The following LARGE1 variants were observed in gnomAD, a reference collection of about 807,000 sequenced individuals.
The protein encoded by LARGE1 is LARGE xylosyl- and glucuronyltransferase 1.
Under a neutral mutation model 87.6 loss-of-function variants are expected in LARGE1, and 43 were observed. The observed-to-expected ratio is 0.49, with a 90% CI of 0.38 to 0.63. The LOEUF is 0.63. Ranked by LOEUF, LARGE1 falls within the 30% of genes least tolerant of loss-of-function variation. The pLI, the probability that LARGE1 is intolerant of heterozygous loss-of-function variation, is 0.00. For synonymous variants in LARGE1, 434 were observed against 394.6 expected (o/e 1.10, Z -1.18); for missense variants, 802 against 1,000.2 (o/e 0.80, Z 2.67).
intron 7 of LARGE1, among the ~76,000 whole-genome samples, chr22:33,426,941 A>G (rs775147877): frequency 6.6e-6 from 1 of 152,146 alleles, no homozygotes. Context: ...AAATAAACCT[A>G]TCTGCAAACA....
chr22:33,650,807 T>TTACA, intron 2 of LARGE1, 139 bp from the exon 3 acceptor site: 1 of 958,388 alleles, frequency 1.0e-6, no homozygotes, highest in Non-Finnish European at 1.6e-6. Context: ...GGAAAGTGAG[T>TTACA]TACAAATAAA....
chr22:33,697,715 C>CT (rs1233843396), intron 2 of LARGE1, among the ~76,000 whole-genome samples: 1 of 152,164 alleles, frequency 6.6e-6, no homozygotes, highest in Non-Finnish European at 1.5e-5. Context: ...GCTGCAGAGT[C>CT]TTTCTCTCAA....
intron 3 of LARGE1, among the ~76,000 whole-genome samples, chr22:33,629,699 T>C (rs1016712470): frequency 1.3e-5 from 2 of 152,152 alleles, no homozygotes; most frequent in Non-Finnish European, 2.9e-5. Context: ...GTCATGTGAC[T>C]TTAGGGCTTG....
chr22:33,859,307 T>G (rs1280296239), intron 1 of LARGE1, among the ~76,000 whole-genome samples: 1 of 152,232 alleles, frequency 6.6e-6, no homozygotes, highest in Non-Finnish European at 1.5e-5. Flanking sequence ...CTCATCATAG[T>G]CATTTTTAAA....
At chr22:33,860,622 T>A (rs550210008) in intron 1 of LARGE1, among the ~76,000 whole-genome samples, 203 of 152,134 alleles carry the variant, frequency 1.3e-3, no homozygotes, top group Non-Finnish European at 2.6e-3. Flanking sequence ...GCTGTGAAGG[T>A]GGTGGTGGGA....
the LARGE1 span, among the ~76,000 whole-genome samples, chr22:33,093,583 A>G: frequency 6.6e-6 from 1 of 152,178 alleles, no homozygotes; most frequent in Non-Finnish European, 1.5e-5. Context: ...TGGAGACAAT[A>G]TCTTGTAACA....
At chr22:33,091,998 C>G in the LARGE1 span, among the ~76,000 whole-genome samples, 1 of 152,168 alleles carries the variant, frequency 6.6e-6, no homozygotes. Context: ...CTCCTGACTT[C>G]AAGCCATTCT....
At chr22:33,390,956 C>T (rs1173083741) in intron 7 of LARGE1, among the ~76,000 whole-genome samples, 2 of 152,160 alleles carry the variant, frequency 1.3e-5, no homozygotes, top group Admixed American at 1.3e-4. Context: ...CTTGGCCTCC[C>T]AAAGTGCTGG....
rs537998161 is a variant in LARGE1 at position 33,431,928 on chromosome 22, A to G, written c.892+233T>C. 2.6e-5 allele frequency among the ~76,000 whole-genome samples: 4 copies of G among 152,312 alleles called. No individual in the cohort carries two copies. In the South Asian group the frequency reaches 8.3e-4, roughly 32 times the overall value. On this transcript the variant is annotated intron_variant, in intron 7 of 14. Transcript: ENST00000397394. ...AATAGGATCTGGATTAGAGGTCAGGAGAGGGGCTTTCTGGTGAGATGCCAC... is the reference window on the plus strand; with the variant it reads ...AATAGGATCTGGATTAGAGGTCAGGGGAGGGGCTTTCTGGTGAGATGCCAC...
chr22:33,539,875 C>T (rs756142616), intron 6 of LARGE1, among the ~76,000 whole-genome samples: 9 of 152,090 alleles, frequency 5.9e-5, no homozygotes, highest in Non-Finnish European at 1.2e-4. Context: ...CCACTGCACC[C>T]GGCCCTCTAA....
At chr22:33,484,279 G>C (rs2069469943) in intron 6 of LARGE1, among the ~76,000 whole-genome samples, 1 of 152,146 alleles carries the variant, frequency 6.6e-6, no homozygotes, top group Admixed American at 6.5e-5. Flanking sequence ...AAATGAGCCA[G>C]ATCTCTAACC....
intron 7 of LARGE1, among the ~76,000 whole-genome samples, chr22:33,412,402 A>C (rs1298693338): frequency 1.3e-5 from 2 of 152,122 alleles, no homozygotes; most frequent in Non-Finnish European, 2.9e-5. Flanking sequence ...TCCCATTTCC[A>C]GGTTGCAATA....
At chr22:33,707,385 G>T (rs745663406) in intron 2 of LARGE1, among the ~76,000 whole-genome samples, 5 of 152,238 alleles carry the variant, frequency 3.3e-5, no homozygotes, top group Non-Finnish European at 7.3e-5. Flanking sequence ...ATGTTAGCTT[G>T]CCAGGGATCC....
intron 11 of LARGE1, among the ~76,000 whole-genome samples, chr22:33,236,515 G>T (rs1404525523): frequency 6.6e-6 from 1 of 152,164 alleles, no homozygotes; most frequent in Non-Finnish European, 1.5e-5. Flanking sequence ...GCTGGAACAT[G>T]AGCAAACCAA....
intron 11 of LARGE1, among the ~76,000 whole-genome samples, chr22:33,181,770 C>T (rs777395138): frequency 6.0e-5 from 9 of 150,484 alleles, no homozygotes; most frequent in African/African-American, 1.2e-4. Flanking sequence ...CCTCGTAATC[C>T]GCCCACATCG....
chr22:33,548,751 T>C (rs1175314217), intron 6 of LARGE1, among the ~76,000 whole-genome samples: 1 of 152,242 alleles, frequency 6.6e-6, no homozygotes, highest in East Asian at 1.9e-4. Flanking sequence ...AACAGACTAA[T>C]ACAGGCTCCC....
rs1265171829 is a variant in LARGE1 at position 33,828,191 on chromosome 22, A to G, written c.-82-66633T>C. 2.6e-5 allele frequency among the ~76,000 whole-genome samples: 4 copies of G among 152,206 alleles called. No homozygotes were observed. In the East Asian group the frequency reaches 7.7e-4, roughly 29 times the overall value. On this transcript the variant is annotated intron_variant, in intron 1 of 14. Transcript: ENST00000397394. The stretch of plus-strand genomic sequence containing the variant: ...AAGGTGCCAGTAGGACAGATGGGGT[A>G]ATTCACATACCAAGGGAGTAAGTTG...
chr22:33,400,694 G>A (rs2065901604), intron 7 of LARGE1, among the ~76,000 whole-genome samples: 1 of 152,106 alleles, frequency 6.6e-6, no homozygotes, highest in South Asian at 2.1e-4. Flanking sequence ...AGCCGAAAGG[G>A]CAGGAAGCTT....
At chr22:33,668,585 C>T (rs139722931) in intron 2 of LARGE1, among the ~76,000 whole-genome samples, 2 of 152,212 alleles carry the variant, frequency 1.3e-5, no homozygotes, top group East Asian at 1.9e-4. Context: ...TTTAGATCGG[C>T]GGAACTTGGA....
Sources: gnomAD v4.1 joint callset for allele counts (sites outside exome capture counted in the v4.1 genomes callset) on GRCh38, gnomAD v4.1.1 for gene constraint, MANE v1.5 for transcripts, NCBI Gene and HGNC (gene_info 2026-07-23, HGNC 2026-07-21) for gene names.